Variants in PRKG1 observed in about 807,000 individuals in gnomAD.
The protein encoded by PRKG1 is cGMP-dependent protein kinase 1.
In PRKG1, 35 loss-of-function variants were observed where a neutral mutation model predicts 88.1. The ratio of observed to expected loss-of-function variants is 0.40; its 90% confidence interval spans 0.30 to 0.53. The LOEUF (loss-of-function observed/expected upper bound fraction) is 0.53, where lower values mean the gene tolerates loss of function less well. Ranked by LOEUF, PRKG1 falls within the 20% of genes least tolerant of loss-of-function variation. The pLI, the probability that PRKG1 is intolerant of heterozygous loss-of-function variation, is 0.59. For synonymous variants in PRKG1, 303 were observed against 292.5 expected, an observed-to-expected ratio of 1.04 and a Z score of -0.37; for missense variants, 540 against 839.8, an observed-to-expected ratio of 0.64 and a Z score of 4.41.
chr10:51,839,750 T>G (rs184089723), intron 4 of PRKG1, among the ~76,000 whole-genome samples: 9 of 152,288 alleles, frequency 5.9e-5, no homozygotes, highest in African/African-American at 2.2e-4. Context: ...GGTCGTTCTT[T>G]AGGTGAAGTA....
At chr10:52,216,042 C>T (rs1480536344) in intron 9 of PRKG1, among the ~76,000 whole-genome samples, 1 of 152,180 alleles carries the variant, frequency 6.6e-6, no homozygotes, top group African/African-American at 2.4e-5. Flanking sequence ...ACTGTACACC[C>T]AGAGACCCTG....
At position 51,014,667 on chromosome 10, in the gene PRKG1, C is replaced by A. The variant is rs140651404; in HGVS notation, c.266+23023C>A. ...GACACTATAGAGACACTAATTTGAT[C>A]ATTATACACATATATATGTATCAAA... On this transcript the variant is annotated intron_variant, in intron 1 of 17. Coordinates refer to the PRKG1 transcript ENST00000401604. Among the ~76,000 whole-genome samples the A allele has an allele frequency of 1.4e-4, 21 of 152,220 alleles. No homozygotes were observed. In the East Asian group the frequency reaches 3.1e-3, roughly 22 times the overall value.
At chr10:51,165,443 C>A (rs1846510674) in intron 2 of PRKG1, among the ~76,000 whole-genome samples, 1 of 152,194 alleles carries the variant, frequency 6.6e-6, no homozygotes, top group Admixed American at 6.5e-5. Flanking sequence ...ACTGCAAAAT[C>A]ATGCCAAATT....
intron 9 of PRKG1, among the ~76,000 whole-genome samples, chr10:52,173,358 A>G (rs907024041): frequency 6.6e-6 from 1 of 152,316 alleles, no homozygotes; most frequent in South Asian, 2.1e-4. Context: ...TTTAGATATG[A>G]TAATAAGCCC....
intron 2 of PRKG1, among the ~76,000 whole-genome samples, chr10:51,205,908 T>G (rs1838046474): frequency 6.6e-6 from 1 of 152,200 alleles, no homozygotes; most frequent in Non-Finnish European, 1.5e-5. Context: ...AATTCTCTAG[T>G]ATACTTGTAA....
chr10:51,804,625 T>A lies in PRKG1; in HGVS notation c.633T>A (p.Cys211Ter). Residue 211 changes from cysteine (C) to a stop codon, truncating the protein, a stop_gained, in exon 4 of 18, where the codon TGT becomes TGA. Transcript: ENST00000373980. LOFTEE classifies it high-confidence loss of function. ...AACTCTGGGCCATTGATCGACAATG[T>A]TTTCAAACAATAATGATGAGGACAG... ...NVKLWAIDRQCFQTIMMRTGL... is the reference protein window; with the variant it reads ...NVKLWAIDRQ The A allele has an allele frequency of 6.2e-7, 1 of 1,604,990 alleles. No homozygotes were observed. The highest frequency in any genetic ancestry group is 8.5e-7 in the Non-Finnish European group (1 of 1,172,198).
chr10:51,826,404 G>A (rs943633009), intron 4 of PRKG1, among the ~76,000 whole-genome samples: 2 of 152,142 alleles, frequency 1.3e-5, no homozygotes, highest in African/African-American at 4.8e-5. Context: ...CTCCCTCTGG[G>A]AACCAAGAAT....
chr10:51,809,765 G>A (rs1302855853), intron 4 of PRKG1, among the ~76,000 whole-genome samples: 1 of 152,094 alleles, frequency 6.6e-6, no homozygotes, highest in Admixed American at 6.6e-5. Flanking sequence ...ATATGCTCAC[G>A]TCATCCCTCT....
intron 3 of PRKG1, among the ~76,000 whole-genome samples, chr10:51,685,075 A>ACATGT (rs1334673570): frequency 1.3e-5 from 2 of 152,174 alleles, no homozygotes; most frequent in Non-Finnish European, 2.9e-5. Flanking sequence ...CCCAAAAATC[A>ACATGT]CATGTTCTAG....
At chr10:51,565,235 C>T (rs1186413596) in intron 3 of PRKG1, among the ~76,000 whole-genome samples, 1 of 152,062 alleles carries the variant, frequency 6.6e-6, no homozygotes, top group Non-Finnish European at 1.5e-5. Context: ...AGGATTCACT[C>T]TCCAAAAGCC....
chr10:51,927,188 C>T (rs73335491), intron 5 of PRKG1, among the ~76,000 whole-genome samples: 1 of 152,116 alleles, frequency 6.6e-6, no homozygotes, highest in Non-Finnish European at 1.5e-5. Flanking sequence ...GTGGGAGGGA[C>T]CTGGTGGGAG....
At chr10:51,131,462 A>G (rs1452988320) in intron 1 of PRKG1, among the ~76,000 whole-genome samples, 1 of 152,134 alleles carries the variant, frequency 6.6e-6, no homozygotes, top group Middle Eastern at 3.2e-3. Flanking sequence ...ACGGAAGATG[A>G]TGGGCTGGGA....
At chr10:51,579,952 A>G (rs1002147401) in intron 3 of PRKG1, among the ~76,000 whole-genome samples, 1 of 152,098 alleles carries the variant, frequency 6.6e-6, no homozygotes. Context: ...TTACATTTTA[A>G]TATATGTTTT....
chr10:51,950,600 G>A (rs924778115), intron 5 of PRKG1, among the ~76,000 whole-genome samples: 22 of 152,380 alleles, frequency 1.4e-4, no homozygotes, highest in African/African-American at 5.0e-4. Flanking sequence ...TTCATGTGGG[G>A]CCTGCAGCCA....
chr10:51,436,522 A>G (rs1478198596), intron 2 of PRKG1, among the ~76,000 whole-genome samples: 3 of 151,996 alleles, frequency 2.0e-5, no homozygotes, highest in East Asian at 1.9e-4. Flanking sequence ...ATTGAGCATA[A>G]GCAAGACATT....
intron 5 of PRKG1, among the ~76,000 whole-genome samples, chr10:51,955,941 G>A (rs1843292646): frequency 6.6e-6 from 1 of 152,122 alleles, no homozygotes; most frequent in African/African-American, 2.4e-5. Flanking sequence ...GCTTTCTGGG[G>A]AAGCTGCAAG....
rs111720190 is a variant in PRKG1, at chr10:51,929,603, G to A, written c.762+22033G>A. On this transcript the variant is annotated intron_variant, in intron 5 of 17. Transcript: ENST00000373980. ...TGACCTCAAGTGATCTGCCTGCCTC[G>A]GCCTCTCAAAGTGCTGGGAGTACAG... 3.5e-3 allele frequency among the ~76,000 whole-genome samples: 534 copies of A among 152,020 alleles called. 1 individual carries two copies. Among genetic ancestry groups the A allele is most frequent in the African/African-American group, 0.012 (510 of 41,468 alleles).
chr10:51,295,866 G>T (rs1442755053), intron 2 of PRKG1, among the ~76,000 whole-genome samples: 1 of 152,018 alleles, frequency 6.6e-6, no homozygotes, highest in Non-Finnish European at 1.5e-5. Context: ...CTATTTTGTT[G>T]AGAGTTTTTA....
intron 5 of PRKG1, among the ~76,000 whole-genome samples, chr10:51,914,284 A>C (rs895758368): frequency 1.2e-4 from 1 of 8,644 alleles, no homozygotes; most frequent in African/African-American, 8.8e-4. Context: ...GAAAGCAGCA[A>C]ATAAAAACTT....
Sources: gnomAD v4.1 joint callset for allele counts (sites outside exome capture counted in the v4.1 genomes callset) on GRCh38, gnomAD v4.1.1 for gene constraint, MANE v1.5 for transcripts, NCBI Gene and HGNC (gene_info 2026-07-23, HGNC 2026-07-21) for gene names.